Variants in RNASEH2C observed in about 807,000 individuals in gnomAD.
RNASEH2C encodes the protein ribonuclease H2 subunit C.
A neutral mutation model predicts 16.3 loss-of-function variants in RNASEH2C; 20 were observed. The observed-to-expected ratio is 1.23, with a 90% CI of 0.86 to 1.79. The LOEUF is 1.79. RNASEH2C is among the 40% of genes most tolerant of loss of function. RNASEH2C has a pLI of 0.00. For missense variants in RNASEH2C, 296 were observed against 235.9 expected (o/e 1.25, Z -1.67); for synonymous variants, 106 against 98.9 (o/e 1.07, Z -0.43).
Position 65,718,609 on chromosome 11 carries a change from G to C in RNASEH2C, c.*1174C>G. On this transcript the variant is annotated 3_prime_UTR_variant, in exon 4 of 4. Coordinates refer to ENST00000308418, the MANE Select transcript of RNASEH2C (RefSeq NM_032193.4). The stretch of plus-strand genomic sequence containing the variant: ...CTTTAGGCTATGAACTCTCCAAAGT[G>C]GAAGGGAAAACAGGGACCCCTGAGA... The C allele has an allele frequency of 6.2e-7, 1 of 1,614,190 alleles. No homozygotes were observed. The highest frequency in any genetic ancestry group is 8.5e-7 in the Non-Finnish European group (1 of 1,180,014).
rs1006442641 is a variant in RNASEH2C, at chr11:65,718,441, T to C, written c.*1342A>G. The C allele has an allele frequency of 1.3e-6, 1 of 756,024 alleles. No homozygotes were observed. The highest frequency in any genetic ancestry group is 2.2e-6 in the Non-Finnish European group (1 of 453,038). 46.8% of individuals were successfully genotyped at this position (756,024 alleles called of 1,614,324 possible). ...AATACTCAGTTCTTCCTGAGGGAAC[T>C]GAGGCACAGAGAAGTGGAGGGCATA... On this transcript the variant is annotated 3_prime_UTR_variant, in exon 4 of 4. Coordinates refer to ENST00000308418, the MANE Select transcript of RNASEH2C (RefSeq NM_032193.4).
In RNASEH2C at chr11:65,719,626, G is replaced by C. The variant is rs974527324; in HGVS notation, c.*157C>G. On this transcript the variant is annotated 3_prime_UTR_variant, in exon 4 of 4. Transcript: ENST00000308418. ...GCCAGAGCCATGCAAAGTTCTTGGTGGGGAGGGGGAAAGGGCCCATGCTGG... is the reference window on the plus strand; with the variant it reads ...GCCAGAGCCATGCAAAGTTCTTGGTCGGGAGGGGGAAAGGGCCCATGCTGG... 3.9e-6 allele frequency: 3 copies of C among 776,374 alleles called. No individual in the cohort carries two copies. In the African/African-American group the frequency reaches 5.1e-5, roughly 13 times the overall value. The allele number at this position is 776,374 out of a possible 1,614,324, so 48.1% of individuals were successfully genotyped here. A position where few individuals can be genotyped will look rare whatever the true frequency, so the allele number is the denominator to read the frequency against.
Position 65,720,301 on chromosome 11 carries a change from C to T in RNASEH2C, c.289G>A (p.Asp97Asn), listed in dbSNP as rs771160923. ...EEKKVSMGKP[D>N]PLRDSGTDDQ... ...TCAGTCCCGGAATCCCGCAAGGGGT[C>T]TGGCTTCCCCATCGACACCTTCTTC... is the stretch of plus-strand genomic sequence containing the variant. Residue 97 changes from aspartate (D) to asparagine (N), a missense_variant, in exon 2 of 4, where the codon GAC becomes AAC. By Grantham distance (23) the Asp-to-Asn change is conservative. Transcript: ENST00000308418. The T allele has an allele frequency of 1.5e-5, 24 of 1,614,222 alleles. No homozygotes were observed. The highest frequency in any genetic ancestry group is 1.9e-5 in the Non-Finnish European group (23 of 1,180,048).
rs370871326 is a variant in RNASEH2C at position 65,719,847 on chromosome 11, A to G, written c.469-38T>C. The G allele has an allele frequency of 6.2e-6, 10 of 1,613,570 alleles. No individual in the cohort carries two copies. The African/African-American group carries it at 1.2e-4, about 19-fold the overall frequency. Reference sequence around the variant, plus strand: ...TCGCCTCTACTGTTGGACTTGTAAGACAGGGCGGCAAGCTGGCCCCCATAC... The same window carrying G: ...TCGCCTCTACTGTTGGACTTGTAAGGCAGGGCGGCAAGCTGGCCCCCATAC... On this transcript the variant is annotated intron_variant, in intron 3 of 3. Coordinates refer to ENST00000308418, the MANE Select transcript of RNASEH2C (RefSeq NM_032193.4).
Position 65,720,748 on chromosome 11 carries a change from C to T in RNASEH2C, c.11G>A (p.Gly4Asp), listed in dbSNP as rs1354606660. The T allele has an allele frequency of 5.0e-6, 8 of 1,592,768 alleles. 1 individual carries two copies. The highest frequency in any genetic ancestry group is 4.5e-5 in the South Asian group (4 of 88,816). The change falls in exon 1 of 4, where the codon GGC becomes GAC. Residue 4 changes from glycine to aspartate, a missense_variant. Physicochemically the swap from Gly to Asp is moderately conservative, Grantham distance 94. Coordinates refer to ENST00000308418, the MANE Select transcript of RNASEH2C (RefSeq NM_032193.4). ...GTGCCTCTCGATGGCCGCTTCGTCG[C>T]CGCTCTCCATCCTCCCTCCTACGCG... MESGDEAAIERHRV... is the reference protein window; with the variant it reads MESDDEAAIERHRV...
chr11:65,719,497 A>C lies in RNASEH2C; in HGVS notation c.*286T>G, dbSNP rs1812616077. On this transcript the variant is annotated 3_prime_UTR_variant, in exon 4 of 4. Coordinates refer to ENST00000308418, the MANE Select transcript of RNASEH2C (RefSeq NM_032193.4). ...TGTACAGAGGGCTGGTGATTGTAAA[A>C]ATTTCTTTTGTAAAGTAGAAGTTGG... 1.6e-6 allele frequency: 1 copy of C among 609,830 alleles called. No homozygotes were observed. The highest frequency in any genetic ancestry group is 2.9e-5 in the Admixed American group (1 of 34,210). The allele number at this position is 609,830 out of a possible 1,614,324, so 37.8% of individuals were successfully genotyped here.
intron 3 of RNASEH2C, 33 bp from the exon 4 acceptor site, chr11:65,719,842 G>C (rs1165404662): frequency 1.9e-6 from 3 of 1,613,854 alleles, no homozygotes; most frequent in South Asian, 1.1e-5. Flanking sequence ...TGTTGGACTT[G>C]TAAGACAGGG....
rs757278144 is a variant in RNASEH2C at position 65,720,571 on chromosome 11, C to T, written c.172+16G>A. 2.0e-6 allele frequency: 3 copies of T among 1,518,888 alleles called. No homozygotes were observed. Among genetic ancestry groups the T allele is most frequent in the Non-Finnish European group, 2.6e-6 (3 of 1,136,282 alleles). 94.1% of individuals were successfully genotyped at this position (1,518,888 alleles called of 1,614,324 possible). A position where few individuals can be genotyped will look rare whatever the true frequency, so the allele number is the denominator to read the frequency against. ...GCGGGGGCTGCCGGGAGCCGTAGTC[C>T]GGCCGCAGGGCTCACCCTCGGGGCC... On this transcript the variant is annotated intron_variant, in intron 1 of 3. Coordinates refer to ENST00000308418, the MANE Select transcript of RNASEH2C (RefSeq NM_032193.4).
rs376140250 is a variant in RNASEH2C, at chr11:65,720,698, A to G, written c.61T>C (p.Leu21=). The G allele has an allele frequency of 1.1e-3, 1,725 of 1,594,188 alleles. 26 individuals are homozygous for G. The South Asian group carries it at 0.018, about 16-fold the overall frequency. ...RHRVHLRSAT[L]RDAVPATLHL... ...AGTGTGGCGGGTACGGCGTCGCGCA[A>G]TGTGGCGGAGCGCAAGTGGACGCGG... The change falls in exon 1 of 4, where the codon TTG becomes CTG. Residue 21 remains leucine (L), a synonymous_variant. Coordinates refer to ENST00000308418, the MANE Select transcript of RNASEH2C (RefSeq NM_032193.4).
rs898565080 is a variant in RNASEH2C, at chr11:65,719,489, A to G, written c.*294T>C. 3.3e-6 allele frequency: 2 copies of G among 608,914 alleles called. No homozygotes were observed. The highest frequency in any genetic ancestry group is 3.7e-5 in the African/African-American group (2 of 53,990). The allele number at this position is 608,914 out of a possible 1,614,324, so 37.7% of individuals were successfully genotyped here. A position where few individuals can be genotyped will look rare whatever the true frequency, so the allele number is the denominator to read the frequency against. ...GGGAGCTCTGTACAGAGGGCTGGTG[A>G]TTGTAAAAATTTCTTTTGTAAAGTA... is the stretch of plus-strand genomic sequence containing the variant. On this transcript the variant is annotated 3_prime_UTR_variant, in exon 4 of 4. Coordinates refer to ENST00000308418, the MANE Select transcript of RNASEH2C (RefSeq NM_032193.4).
In RNASEH2C at chr11:65,720,700, G is replaced by A. The variant is rs1234973794; in HGVS notation, c.59C>T (p.Thr20Ile). The change falls in exon 1 of 4, where the codon ACA (threonine) becomes ATA (isoleucine). Residue 20 changes from threonine (T) to isoleucine (I), a missense_variant. Transcript: ENST00000308418. ...TGTGGCGGGTACGGCGTCGCGCAAT[G>A]TGGCGGAGCGCAAGTGGACGCGGTG... is the stretch of plus-strand genomic sequence containing the variant. Reference protein sequence around the residue: ...ERHRVHLRSATLRDAVPATLH... With the variant: ...ERHRVHLRSAILRDAVPATLH... The A allele has an allele frequency of 3.1e-6, 5 of 1,595,186 alleles. No homozygotes were observed. The Admixed American group carries it at 5.1e-5, about 16-fold the overall frequency.
At chr11:65,720,535 C>A (rs1020757035) in intron 1 of RNASEH2C, 52 bp downstream of exon 1, 4 of 1,529,046 alleles carry the variant, frequency 2.6e-6, no homozygotes, top group South Asian at 2.4e-5. Flanking sequence ...ATGAGAAGCG[C>A]GCAGGCCGGC....
chr11:65,720,204 C>T (rs199672269), intron 2 of RNASEH2C, 38 bp downstream of exon 2: 358 of 1,614,142 alleles, frequency 2.2e-4, no homozygotes, highest in Non-Finnish European at 2.9e-4. Context: ...ACTACAGCTC[C>T]CGCCCGCACC....
chr11:65,719,579 C>T lies in RNASEH2C; in HGVS notation c.*204G>A, dbSNP rs1003237993. On this transcript the variant is annotated 3_prime_UTR_variant, in exon 4 of 4. Coordinates refer to ENST00000308418, the MANE Select transcript of RNASEH2C (RefSeq NM_032193.4). ...TGGCTTCTCTTACCCCTATTGCCCC[C>T]GGCAATAAATTGTTTCTATATGCCA... The T allele has an allele frequency of 3.2e-5, 21 of 658,868 alleles. No homozygotes were observed. The highest frequency in any genetic ancestry group is 2.7e-4 in the East Asian group (10 of 36,808). The allele number at this position is 658,868 out of a possible 1,614,324, so 40.8% of individuals were successfully genotyped here.
Position 65,719,622 on chromosome 11 carries a change from T to C in RNASEH2C, c.*161A>G. 1 of 765,150 alleles carries C rather than the reference T, an allele frequency of 1.3e-6. No homozygotes were observed. Among genetic ancestry groups the C allele is most frequent in the Non-Finnish European group, 2.3e-6 (1 of 434,500 alleles). 47.4% of individuals were successfully genotyped at this position (765,150 alleles called of 1,614,324 possible). A position where few individuals can be genotyped will look rare whatever the true frequency, so the allele number is the denominator to read the frequency against. On this transcript the variant is annotated 3_prime_UTR_variant, in exon 4 of 4. Transcript: ENST00000308418. Reference sequence around the variant, plus strand: ...ATATGCCAGAGCCATGCAAAGTTCTTGGTGGGGAGGGGGAAAGGGCCCATG... The same window carrying C: ...ATATGCCAGAGCCATGCAAAGTTCTCGGTGGGGAGGGGGAAAGGGCCCATG...
rs190723966 is a variant in RNASEH2C, at chr11:65,719,473, G to A, written c.*310C>T. 300 of 608,420 alleles carry A rather than the reference G, an allele frequency of 4.9e-4. 5 individuals carry two copies. In the East Asian group the frequency reaches 8.1e-3, roughly 16 times the overall value. The allele number at this position is 608,420 out of a possible 1,614,324, so 37.7% of individuals were successfully genotyped here. A position where few individuals can be genotyped will look rare whatever the true frequency, so the allele number is the denominator to read the frequency against. On this transcript the variant is annotated 3_prime_UTR_variant, in exon 4 of 4. Transcript: ENST00000308418. Reference sequence around the variant, plus strand: ...GAAGGGATCCGGATGGGGGAGCTCTGTACAGAGGGCTGGTGATTGTAAAAA... The same window carrying A: ...GAAGGGATCCGGATGGGGGAGCTCTATACAGAGGGCTGGTGATTGTAAAAA...
Position 65,718,534 on chromosome 11 carries a change from G to A in RNASEH2C, c.*1249C>T. ...GCCTTGGCAACCTGTGTTTTTAAAT[G>A]TTGCTTATGTTCATCTGTGACCTCT... On this transcript the variant is annotated 3_prime_UTR_variant, in exon 4 of 4. Transcript: ENST00000308418. 2 of 1,565,568 alleles carry A rather than the reference G, an allele frequency of 1.3e-6. No homozygotes were observed. The highest frequency in any genetic ancestry group is 1.7e-6 in the Non-Finnish European group (2 of 1,149,624).
In RNASEH2C at chr11:65,718,522, G is replaced by A; in HGVS notation, c.*1261C>T. On this transcript the variant is annotated 3_prime_UTR_variant, in exon 4 of 4. Transcript: ENST00000308418. ...ACTAGGCAGCCTGCCTTGGCAACCTGTGTTTTTAAATGTTGCTTATGTTCA... is the reference window on the plus strand; with the variant it reads ...ACTAGGCAGCCTGCCTTGGCAACCTATGTTTTTAAATGTTGCTTATGTTCA... The A allele has an allele frequency of 6.5e-7, 1 of 1,539,442 alleles. No homozygotes were observed. The highest frequency in any genetic ancestry group is 8.9e-7 in the Non-Finnish European group (1 of 1,128,864).
Position 65,718,645 on chromosome 11 carries a change from A to T in RNASEH2C, c.*1138T>A. ...CAGGGACCCCTGAGAAGCCCCTCTC[A>T]GACCTTGGCCTCCTATCCTATCGAA... On this transcript the variant is annotated 3_prime_UTR_variant, in exon 4 of 4. Transcript: ENST00000308418. 1 of 1,614,234 alleles carries T rather than the reference A, an allele frequency of 6.2e-7. No individual in the cohort carries two copies. The highest frequency in any genetic ancestry group is 1.6e-4 in the Middle Eastern group (1 of 6,062).
Sources: allele counts gnomAD v4.1 joint callset, GRCh38; gene constraint gnomAD v4.1.1; transcripts MANE v1.5; gene names NCBI Gene and HGNC (gene_info 2026-07-23, HGNC 2026-07-21).